The following CASP8 variants were observed in gnomAD, a reference collection of about 807,000 sequenced individuals.
CASP8 encodes the protein caspase 8, also known as caspase-8.
Under a neutral mutation model 46.3 loss-of-function variants are expected in CASP8, and 24 were observed. The ratio of observed to expected loss-of-function variants is 0.52; its 90% confidence interval spans 0.38 to 0.73. The LOEUF (loss-of-function observed/expected upper bound fraction) is 0.73, where lower values mean the gene tolerates loss of function less well. Ranked by LOEUF, CASP8 falls within the 30% of genes least tolerant of loss-of-function variation. The pLI is 0.00. For synonymous variants in CASP8, 188 were observed against 200.4 expected, an observed-to-expected ratio of 0.94 and a Z score of 0.52; for missense variants, 460 against 559.0, an observed-to-expected ratio of 0.82 and a Z score of 1.79.
At chr2:201,273,034 C>A in intron 5 of CASP8, 92 bp downstream of exon 5, 33 of 934,976 alleles carry the variant, frequency 3.5e-5, no homozygotes, top group Middle Eastern at 3.2e-4. Flanking sequence ...ACATGCACAT[C>A]TTAACGTGCC....
At chr2:201,246,143 C>T (rs908839857) in intron 2 of CASP8, among the ~76,000 whole-genome samples, 13 of 152,194 alleles carry the variant, frequency 8.5e-5, no homozygotes, top group Non-Finnish European at 1.3e-4. Flanking sequence ...GGATTACAGG[C>T]GTGAGCCACT....
chr2:201,283,676 G>T (rs1339616478), intron 7 of CASP8, among the ~76,000 whole-genome samples: 1 of 90,712 alleles, frequency 1.1e-5, no homozygotes. Flanking sequence ...CCCGGACGGG[G>T]CGGATGGCCG....
intron 1 of CASP8, among the ~76,000 whole-genome samples, chr2:201,263,099 G>C (rs112484377): frequency 1.3e-5 from 2 of 152,120 alleles, no homozygotes; most frequent in Admixed American, 1.3e-4. Flanking sequence ...GGAGCTATGC[G>C]CCAATCTTAT....
chr2:201,278,129 T>C (rs1213156887), intron 7 of CASP8: 2 of 152,436 alleles, frequency 1.3e-5, no homozygotes, highest in African/African-American at 4.8e-5. Context: ...GGACCCTTGA[T>C]TTGTATTCTT....
At chr2:201,237,945 T>C (rs1946125112) in intron 2 of CASP8, among the ~76,000 whole-genome samples, 1 of 152,190 alleles carries the variant, frequency 6.6e-6, no homozygotes, top group African/African-American at 2.4e-5. Flanking sequence ...ACAATCTTGA[T>C]ATAAACTTAG....
In CASP8 at chr2:201,266,334, T is replaced by G. The variant is rs1197644677; in HGVS notation, c.-26-127T>G. 6.9e-6 allele frequency: 5 copies of G among 728,048 alleles called. No homozygotes were observed. The highest frequency in any genetic ancestry group is 1.2e-5 in the Non-Finnish European group (5 of 427,986). 45.1% of individuals were successfully genotyped at this position (728,048 alleles called of 1,614,324 possible). A position where few individuals can be genotyped will look rare whatever the true frequency, so the allele number is the denominator to read the frequency against. On this transcript the variant is annotated intron_variant, in intron 1 of 8. Transcript: ENST00000673742. This position sits in a 1 kb window ranked among gnomAD's most constrained non-coding sequence, Gnocchi z 5.7. ...ACAGTAAGAGGGAACTTGTCTGGTG[T>G]TCTTTTTTTCTCTCCTGTGCTGACA... is the stretch of plus-strand genomic sequence containing the variant.
chr2:201,274,842 CT>C (rs1261717600), intron 5 of CASP8, 46 bp from the exon 6 acceptor site: 3 of 1,401,288 alleles, frequency 2.1e-6, no homozygotes, highest in Non-Finnish European at 3.0e-6. Context: ...ACCAGTGTAC[CT>C]TTCCTGCCAT....
At chr2:201,254,506 T>C (rs1025944423) in intron 2 of CASP8, among the ~76,000 whole-genome samples, 1 of 152,162 alleles carries the variant, frequency 6.6e-6, no homozygotes. Flanking sequence ...AGCGGCCCCG[T>C]TGAATCCACA....
intron 1 of CASP8, among the ~76,000 whole-genome samples, chr2:201,264,127 C>G (rs1947623873): frequency 6.6e-6 from 1 of 152,208 alleles, no homozygotes; most frequent in South Asian, 2.1e-4. Flanking sequence ...ATTGATCTTC[C>G]TATTCTTTCT....
At chr2:201,248,161 G>A (rs1258015941) in intron 2 of CASP8, among the ~76,000 whole-genome samples, 1 of 152,114 alleles carries the variant, frequency 6.6e-6, no homozygotes, top group African/African-American at 2.4e-5. Flanking sequence ...TAAATCTCTC[G>A]CTTTTTCTAC....
intron 2 of CASP8, among the ~76,000 whole-genome samples, chr2:201,250,379 T>A (rs147364114): frequency 6.6e-6 from 1 of 151,630 alleles, no homozygotes; most frequent in Non-Finnish European, 1.5e-5. Flanking sequence ...AAGAAAAGAG[T>A]TTTAATTGGC....
intron 2 of CASP8, among the ~76,000 whole-genome samples, chr2:201,244,816 G>C (rs938522400): frequency 2.0e-5 from 3 of 152,144 alleles, no homozygotes; most frequent in Admixed American, 2.0e-4. Flanking sequence ...GGAATTGAAG[G>C]GGGTGGGGGG....
intron 2 of CASP8, among the ~76,000 whole-genome samples, chr2:201,238,757 T>A (rs1576184339): frequency 6.6e-6 from 1 of 150,610 alleles, no homozygotes; most frequent in African/African-American, 2.5e-5. Context: ...CCTTACTTTT[T>A]ATTTTATTTA....
Position 201,266,599 on chromosome 2 carries a change from T to C in CASP8, c.113T>C (p.Ile38Thr). The change falls in exon 2 of 9, where the codon ATC becomes ACC. Residue 38 changes from isoleucine to threonine, a missense_variant. Ile to Thr is a moderately conservative substitution (Grantham distance 89). Coordinates refer to ENST00000673742, the MANE Select transcript of CASP8 (RefSeq NM_001372051.1). The surrounding 1 kb of genome is among the most constrained non-coding windows in gnomAD (Gnocchi z 5.7). ...DYIPQRKQEP[I>T]KDALMLFQRL... ...ATTCCGCAAAGGAAGCAAGAACCCA[T>C]CAAGGATGCCTTGATGTTATTCCAG... The C allele has an allele frequency of 6.2e-7, 1 of 1,614,182 alleles. No individual in the cohort carries two copies. Among genetic ancestry groups the C allele is most frequent in the Non-Finnish European group, 8.5e-7 (1 of 1,180,026 alleles).
chr2:201,245,163 T>C (rs550733347), intron 2 of CASP8, among the ~76,000 whole-genome samples: 1 of 152,280 alleles, frequency 6.6e-6, no homozygotes, highest in Admixed American at 6.5e-5. Context: ...TCAGATGCAT[T>C]CTATGCCTGG....
At chr2:201,234,571 T>A (rs1444483765) in intron 2 of CASP8, among the ~76,000 whole-genome samples, 3 of 151,984 alleles carry the variant, frequency 2.0e-5, no homozygotes, top group Admixed American at 2.0e-4. Flanking sequence ...TGTCTCAGCC[T>A]CCTGAGTAGC....
At chr2:201,241,275 G>GT (rs35975615) in intron 2 of CASP8, 1 of 152,056 alleles carries the variant, frequency 6.6e-6, no homozygotes, top group East Asian at 1.9e-4. Context: ...AAAAGAATTG[G>GT]TTTTTTGAAA....
rs1480388537 is a variant in CASP8 at position 201,272,090 on chromosome 2, CTG to C, written c.411+473_411+474del. Among the ~76,000 whole-genome samples, 1 of 151,090 alleles carries C rather than the reference CTG, an allele frequency of 6.6e-6. No homozygotes were observed. The highest frequency in any genetic ancestry group is 2.4e-5 in the African/African-American group (1 of 41,086). ...GTCTCTGTATAAGTGGTGTGTGTGT[CTG>C]TGTATCTCTGTGTGTGTGTTCTCTG... On this transcript the variant is annotated intron_variant, in intron 3 of 8. Coordinates refer to ENST00000673742, the MANE Select transcript of CASP8 (RefSeq NM_001372051.1). The surrounding 1 kb of genome is among the most constrained non-coding windows in gnomAD (Gnocchi z 4.4).
intron 2 of CASP8, among the ~76,000 whole-genome samples, chr2:201,235,857 A>G (rs1251447802): frequency 1.3e-5 from 2 of 152,238 alleles, no homozygotes; most frequent in Non-Finnish European, 2.9e-5. Context: ...AGATATATTT[A>G]GATATGCAAA....
Sources: allele counts gnomAD v4.1 joint callset (sites outside exome capture counted in the v4.1 genomes callset), GRCh38; gene constraint gnomAD v4.1.1; non-coding constraint Gnocchi (gnomAD v3.1); transcripts MANE v1.5; gene names NCBI Gene and HGNC (gene_info 2026-07-23, HGNC 2026-07-21).